KIF13B: variants seen among roughly 807,000 people sequenced by gnomAD.
KIF13B encodes the protein kinesin family member 13B, also known as kinesin-like protein KIF13B.
KIF13B carries 127 observed loss-of-function variants against 222.0 expected under a neutral mutation model. That is an observed-to-expected ratio of 0.57 (90% confidence interval 0.50 to 0.66). The LOEUF (loss-of-function observed/expected upper bound fraction) is 0.66, where lower values mean the gene tolerates loss of function less well. Among genes scored for constraint, KIF13B ranks in the 30% least tolerant of loss-of-function variants. KIF13B has a pLI of 0.00. For missense variants in KIF13B, 2,173 were observed against 2,379.0 expected, an observed-to-expected ratio of 0.91 and a Z score of 1.80; for synonymous variants, 976 against 919.0, an observed-to-expected ratio of 1.06 and a Z score of -1.12.
At chr8:29,211,094 C>T (rs1461297716) in intron 2 of KIF13B, among the ~76,000 whole-genome samples, 1 of 152,232 alleles carries the variant, frequency 6.6e-6, no homozygotes, top group East Asian at 1.9e-4. Context: ...ACTGAGACAG[C>T]TCAGAAGTGG....
chr8:29,178,398 C>T (rs1015027546), intron 8 of KIF13B, among the ~76,000 whole-genome samples: 1 of 152,026 alleles, frequency 6.6e-6, no homozygotes, highest in African/African-American at 2.4e-5. Flanking sequence ...ATTAGATTTA[C>T]ATCTTTTTCT....
chr8:29,142,060 T>C, intron 19 of KIF13B, 97 bp downstream of exon 19: 1 of 913,292 alleles, frequency 1.1e-6, no homozygotes, highest in African/African-American at 1.6e-5. Flanking sequence ...ATTATAATTT[T>C]GGAAAAAGAA....
At chr8:29,101,083 C>T (rs1272830695) in intron 35 of KIF13B, among the ~76,000 whole-genome samples, 1 of 152,194 alleles carries the variant, frequency 6.6e-6, no homozygotes, top group East Asian at 1.9e-4. Context: ...CTCTGAAATA[C>T]TTCAGCGGAG....
At chr8:29,114,227 C>T (rs758962335) in intron 31 of KIF13B, among the ~76,000 whole-genome samples, 1 of 152,048 alleles carries the variant, frequency 6.6e-6, no homozygotes, top group Non-Finnish European at 1.5e-5. Flanking sequence ...AAATGGGCAC[C>T]GAGCTTTCAC....
At chr8:29,139,996 A>G in intron 21 of KIF13B, 67 bp downstream of exon 21, 1 of 1,441,730 alleles carries the variant, frequency 6.9e-7, no homozygotes, top group Non-Finnish European at 9.3e-7. Flanking sequence ...TTTTGCCATT[A>G]AAAGTAATGG....
chr8:29,118,774 G>T, intron 30 of KIF13B, 94 bp downstream of exon 30: 2 of 1,275,712 alleles, frequency 1.6e-6, no homozygotes, highest in South Asian at 2.8e-5. Flanking sequence ...GAAATGTAAA[G>T]TACTGGCATG....
intron 2 of KIF13B, among the ~76,000 whole-genome samples, chr8:29,242,210 C>T (rs137908150): frequency 3.3e-5 from 5 of 152,250 alleles, no homozygotes; most frequent in African/African-American, 1.2e-4. Flanking sequence ...CGTGCCACCA[C>T]ACTCCAGCCT....
intron 25 of KIF13B, 71 bp downstream of exon 25, chr8:29,127,051 G>A (rs1338019343): frequency 2.3e-5 from 32 of 1,416,906 alleles, no homozygotes; most frequent in Non-Finnish European, 2.8e-5. Flanking sequence ...AAGTAGTTTC[G>A]TACGGGTTCC....
chr8:29,099,956 T>C (rs1245235310), intron 35 of KIF13B, among the ~76,000 whole-genome samples: 4 of 152,196 alleles, frequency 2.6e-5, no homozygotes, highest in Non-Finnish European at 4.4e-5. Flanking sequence ...CACGAACAAC[T>C]CTATAGTCAG....
intron 2 of KIF13B, among the ~76,000 whole-genome samples, chr8:29,241,408 A>G (rs1815771637): frequency 6.6e-6 from 1 of 152,256 alleles, no homozygotes; most frequent in Non-Finnish European, 1.5e-5. Flanking sequence ...ATCTCAATAA[A>G]TCTTTTAAAA....
chr8:29,111,283 G>A (rs1809343200), intron 32 of KIF13B, among the ~76,000 whole-genome samples: 1 of 152,206 alleles, frequency 6.6e-6, no homozygotes, highest in African/African-American at 2.4e-5. Context: ...TTCAGGGTCT[G>A]GAGGGAACAG....
intron 1 of KIF13B, among the ~76,000 whole-genome samples, chr8:29,260,621 C>CT (rs556075595): frequency 0.022 from 3,203 of 145,214 alleles, 82 homozygotes; most frequent in African/African-American, 0.055. Context: ...TTGTTTTAGT[C>CT]TTTTTTTTTT....
rs561076856 is a variant in KIF13B at position 29,179,977 on chromosome 8, G to A, written c.720+127C>T. ...TGACCTAGAGGAGCTTCTGTTTCTC[G>A]TCCAGAGTCCTCATTGATACACAAG... is the stretch of plus-strand genomic sequence containing the variant. On this transcript the variant is annotated intron_variant, in intron 8 of 39. Coordinates refer to ENST00000524189, the MANE Select transcript of KIF13B (RefSeq NM_015254.4). The A allele has an allele frequency of 1.4e-4, 148 of 1,034,944 alleles. 1 individual carries two copies. The South Asian group carries it at 2.0e-3, about 14-fold the overall frequency. The allele number at this position is 1,034,944 out of a possible 1,614,324, so 64.1% of individuals were successfully genotyped here. A position where few individuals can be genotyped will look rare whatever the true frequency, so the allele number is the denominator to read the frequency against.
chr8:29,133,271 G>GA (rs1405111199), intron 22 of KIF13B, among the ~76,000 whole-genome samples: 1 of 152,128 alleles, frequency 6.6e-6, no homozygotes, highest in Admixed American at 6.5e-5. Flanking sequence ...TTTCAGCTGG[G>GA]AAAAAACAAA....
chr8:29,247,833 C>CAAA (rs57720312), intron 1 of KIF13B, among the ~76,000 whole-genome samples: 8 of 54,384 alleles, frequency 1.5e-4, no homozygotes, highest in Admixed American at 4.2e-4. Flanking sequence ...GACCCTGTCT[C>CAAA]AAAAAAAAAA....
intron 30 of KIF13B, among the ~76,000 whole-genome samples, chr8:29,118,230 C>T (rs1365956313): frequency 6.6e-6 from 1 of 151,470 alleles, no homozygotes; most frequent in Non-Finnish European, 1.5e-5. Context: ...GTGGCTCACA[C>T]CTGTAATCCC....
At chr8:29,185,430 T>C (rs544221667) in intron 6 of KIF13B, among the ~76,000 whole-genome samples, 14 of 152,348 alleles carry the variant, frequency 9.2e-5, no homozygotes, top group African/African-American at 2.6e-4. Context: ...TGTGAGTTCT[T>C]GCATAGTGCC....
At chr8:29,105,262 C>T (rs140562752) in intron 35 of KIF13B, among the ~76,000 whole-genome samples, 10 of 152,288 alleles carry the variant, frequency 6.6e-5, no homozygotes, top group African/African-American at 1.9e-4. Context: ...TGAGCCACCG[C>T]GCCCGGCCTG....
At chr8:29,171,987 G>A (rs1453209337) in intron 10 of KIF13B, among the ~76,000 whole-genome samples, 1 of 150,868 alleles carries the variant, frequency 6.6e-6, no homozygotes, top group African/African-American at 2.4e-5. Context: ...CAAACTCCTG[G>A]CCTCAGGTGA....
Sources: allele counts gnomAD v4.1 joint callset (sites outside exome capture counted in the v4.1 genomes callset), GRCh38; gene constraint gnomAD v4.1.1; transcripts MANE v1.5; gene names NCBI Gene and HGNC (gene_info 2026-07-23, HGNC 2026-07-21).